The following PARD3 variants were observed in gnomAD, a reference collection of about 807,000 sequenced individuals.
The protein encoded by PARD3 is par-3 family cell polarity regulator, also known as partitioning defective 3 homolog.
A neutral mutation model predicts 155.4 loss-of-function variants in PARD3; 75 were observed. The ratio of observed to expected loss-of-function variants is 0.48; its 90% CI spans 0.40 to 0.58. PARD3 has a LOEUF of 0.58. Among genes scored for constraint, PARD3 ranks in the 20% least tolerant of loss-of-function variants. The pLI, the probability that PARD3 is intolerant of heterozygous loss-of-function variation, is 0.00. For missense variants in PARD3, 1,642 were observed against 1,721.7 expected (o/e 0.95, Z 0.82); for synonymous variants, 576 against 610.5 (o/e 0.94, Z 0.83).
At chr10:34,693,489 C>T (rs139697563) in intron 2 of PARD3, among the ~76,000 whole-genome samples, 266 of 152,216 alleles carry the variant, frequency 1.7e-3, no homozygotes, top group Middle Eastern at 0.017. Flanking sequence ...GCTAAGTGAA[C>T]TAACATGGGA....
chr10:34,784,037 G>C (rs1246470424), intron 1 of PARD3, among the ~76,000 whole-genome samples: 1 of 152,006 alleles, frequency 6.6e-6, no homozygotes, highest in African/African-American at 2.4e-5. Flanking sequence ...AAGAGACCAT[G>C]TCTCTACAAA....
At chr10:34,227,594 C>A (rs903571371) in intron 22 of PARD3, among the ~76,000 whole-genome samples, 3 of 152,058 alleles carry the variant, frequency 2.0e-5, no homozygotes, top group African/African-American at 7.2e-5. Flanking sequence ...GCCGAGATTG[C>A]GCCATTGCAC....
At chr10:34,478,316 T>C (rs776003972) in intron 3 of PARD3, among the ~76,000 whole-genome samples, 2 of 152,188 alleles carry the variant, frequency 1.3e-5, no homozygotes, top group African/African-American at 2.4e-5. Context: ...CCCAGCTGCA[T>C]TGGGAGTACT....
chr10:34,503,243 T>C (rs972148460), intron 3 of PARD3, among the ~76,000 whole-genome samples: 1 of 152,234 alleles, frequency 6.6e-6, no homozygotes, highest in African/African-American at 2.4e-5. Context: ...CTTCTCAAGC[T>C]GTTTTAAATA....
chr10:34,367,795 T>A (rs954425878), intron 12 of PARD3, among the ~76,000 whole-genome samples: 1 of 152,212 alleles, frequency 6.6e-6, no homozygotes, highest in African/African-American at 2.4e-5. Context: ...ATGCTTAATT[T>A]CTAGCTCATT....
chr10:34,261,764 G>A (rs1564528088), intron 22 of PARD3, among the ~76,000 whole-genome samples: 1,092 of 57,938 alleles, frequency 0.019, 8 homozygotes, highest in African/African-American at 0.031. Flanking sequence ...AAGAAAGGAA[G>A]GAAGGAAGAA....
chr10:34,224,707 G>A (rs571435637), intron 22 of PARD3, among the ~76,000 whole-genome samples: 12 of 152,296 alleles, frequency 7.9e-5, no homozygotes, highest in Admixed American at 4.6e-4. Context: ...CAAACAAAGC[G>A]CAGAATGACT....
At chr10:34,233,603 T>C (rs559818961) in intron 22 of PARD3, among the ~76,000 whole-genome samples, 1 of 152,258 alleles carries the variant, frequency 6.6e-6, no homozygotes, top group South Asian at 2.1e-4. Flanking sequence ...CCTGTTTCTC[T>C]TGCTTTCTGC....
chr10:34,214,608 A>T (rs1951911375), intron 22 of PARD3, among the ~76,000 whole-genome samples: 1 of 152,118 alleles, frequency 6.6e-6, no homozygotes, highest in African/African-American at 2.4e-5. Context: ...CTTGAGGCCA[A>T]AAGTTTAAGA....
chr10:34,330,050 C>A (rs1835453669), intron 19 of PARD3, among the ~76,000 whole-genome samples: 1 of 151,136 alleles, frequency 6.6e-6, no homozygotes, highest in Non-Finnish European at 1.5e-5. Flanking sequence ...AAGTAATTTA[C>A]AATCTACACA....
intron 1 of PARD3, among the ~76,000 whole-genome samples, chr10:34,747,077 A>G (rs1337187237): frequency 1.3e-5 from 2 of 152,216 alleles, no homozygotes; most frequent in African/African-American, 2.4e-5. Flanking sequence ...ATCTTCAATT[A>G]AAGATATTTG....
chr10:34,295,546 G>A (rs146896270), intron 20 of PARD3, among the ~76,000 whole-genome samples: 4 of 152,204 alleles, frequency 2.6e-5, no homozygotes, highest in South Asian at 2.1e-4. Flanking sequence ...TATCCAAGAC[G>A]GAATCCTGGA....
chr10:34,809,774 TGTTTA>T (rs1332998873), intron 1 of PARD3, among the ~76,000 whole-genome samples: 4 of 152,150 alleles, frequency 2.6e-5, no homozygotes, highest in Non-Finnish European at 4.4e-5. Context: ...CTTTCAAAAA[TGTTTA>T]GTTTCTTTTT....
intron 3 of PARD3, among the ~76,000 whole-genome samples, chr10:34,485,930 T>G (rs866325415): frequency 6.7e-6 from 1 of 149,132 alleles, no homozygotes; most frequent in Non-Finnish European, 1.5e-5. Flanking sequence ...TTTTTTTTTT[T>G]TTTTTTTTTT....
chr10:34,238,850 T>G (rs76061053), intron 22 of PARD3, among the ~76,000 whole-genome samples: 10,265 of 152,298 alleles, frequency 0.067, 498 homozygotes, highest in Middle Eastern at 0.12. Flanking sequence ...ATAAGCAGCA[T>G]TTTTTCCAGC....
chr10:34,534,453 C>T (rs1431134527), intron 2 of PARD3, among the ~76,000 whole-genome samples: 1 of 151,976 alleles, frequency 6.6e-6, no homozygotes, highest in Non-Finnish European at 1.5e-5. Context: ...GATTCAAATC[C>T]ACACATTTTC....
chr10:34,648,481 T>C (rs2092911496), intron 2 of PARD3, among the ~76,000 whole-genome samples: 1 of 152,288 alleles, frequency 6.6e-6, no homozygotes, highest in African/African-American at 2.4e-5. Context: ...CAGTTTCATG[T>C]AAGACAATTT....
At chr10:34,353,048 G>T (rs1838329448) in intron 14 of PARD3, among the ~76,000 whole-genome samples, 3 of 151,688 alleles carry the variant, frequency 2.0e-5, no homozygotes, top group African/African-American at 7.3e-5. Context: ...CGTCTGAGAA[G>T]TGAGGAGCCC....
At chr10:34,455,418 A>G (rs997015190) in intron 4 of PARD3, among the ~76,000 whole-genome samples, 1 of 152,168 alleles carries the variant, frequency 6.6e-6, no homozygotes, top group Admixed American at 6.5e-5. Context: ...GAAATGATAC[A>G]CAAAAAACAA....
Sources: allele counts gnomAD v4.1 joint callset (sites outside exome capture counted in the v4.1 genomes callset), GRCh38; gene constraint gnomAD v4.1.1; transcripts MANE v1.5; gene names NCBI Gene and HGNC (gene_info 2026-07-23, HGNC 2026-07-21).